The following RTN1 variants were observed in gnomAD, a reference collection of about 807,000 sequenced individuals.
RTN1 encodes reticulon-1.
A neutral mutation model predicts 65.5 loss-of-function variants in RTN1; 25 were observed. That is an observed-to-expected ratio of 0.38 (90% CI 0.28 to 0.53). RTN1 has a LOEUF of 0.53. RTN1 is among the 20% of genes least tolerant of loss of function. The probability of loss-of-function intolerance (pLI) is 0.79; values close to 1 mark genes in which losing one functional copy is unlikely to be tolerated. For missense variants in RTN1, 983 were observed against 1,025.4 expected, an observed-to-expected ratio of 0.96 and a Z score of 0.57; for synonymous variants, 471 against 447.6, an observed-to-expected ratio of 1.05 and a Z score of -0.66.
chr14:59,710,629 G>A (rs1232452080), intron 3 of RTN1, among the ~76,000 whole-genome samples: 1 of 152,212 alleles, frequency 6.6e-6, no homozygotes, highest in Non-Finnish European at 1.5e-5. Context: ...CACCAAAGGA[G>A]GTGGGCTGCC....
intron 1 of RTN1, among the ~76,000 whole-genome samples, chr14:59,798,778 T>TAGGA (rs1031506246): frequency 1.5e-5 from 2 of 131,100 alleles, no homozygotes; most frequent in African/African-American, 6.0e-5. Flanking sequence ...TTTCAGGGAT[T>TAGGA]AGGACATGGA....
chr14:59,859,224 G>A (rs1317913537), intron 1 of RTN1, among the ~76,000 whole-genome samples: 1 of 152,182 alleles, frequency 6.6e-6, no homozygotes, highest in Non-Finnish European at 1.5e-5. Flanking sequence ...GAATTCCCAC[G>A]TGTTGTGGGA....
intron 3 of RTN1, among the ~76,000 whole-genome samples, chr14:59,646,563 A>T (rs1882900737): frequency 6.6e-6 from 1 of 152,196 alleles, no homozygotes; most frequent in South Asian, 2.1e-4. Context: ...CTAGAGAGAA[A>T]GGGAACCCCA....
intron 1 of RTN1, among the ~76,000 whole-genome samples, chr14:59,835,979 G>A (rs1887206383): frequency 6.6e-6 from 1 of 152,160 alleles, no homozygotes; most frequent in African/African-American, 2.4e-5. Context: ...GGTTCTAGGG[G>A]AGAACTGCTT....
chr14:59,633,872 T>C (rs1485533677), intron 3 of RTN1, among the ~76,000 whole-genome samples: 1 of 152,218 alleles, frequency 6.6e-6, no homozygotes, highest in African/African-American at 2.4e-5. Flanking sequence ...AGTGGCTTTA[T>C]TGTGTCTGTC....
chr14:59,775,282 T>G (rs1328493290), intron 1 of RTN1, among the ~76,000 whole-genome samples: 1 of 152,182 alleles, frequency 6.6e-6, no homozygotes, highest in African/African-American at 2.4e-5. Context: ...TGAATCACCT[T>G]TTGAGGCCAG....
At chr14:59,655,326 G>T (rs996238026) in intron 3 of RTN1, among the ~76,000 whole-genome samples, 36 of 152,156 alleles carry the variant, frequency 2.4e-4, no homozygotes, top group African/African-American at 8.7e-4. Context: ...TAAATGAAAT[G>T]ACTTTTTTTG....
At chr14:59,814,676 A>C (rs1195834142) in intron 1 of RTN1, among the ~76,000 whole-genome samples, 1 of 152,240 alleles carries the variant, frequency 6.6e-6, no homozygotes, top group African/African-American at 2.4e-5. Flanking sequence ...AACCCTGATT[A>C]AAAATGCTGA....
At chr14:59,719,593 T>C (rs1884605823) in intron 3 of RTN1, among the ~76,000 whole-genome samples, 1 of 152,254 alleles carries the variant, frequency 6.6e-6, no homozygotes, top group Non-Finnish European at 1.5e-5. Flanking sequence ...AAGATGGATG[T>C]ATGAATAGGT....
intron 1 of RTN1, among the ~76,000 whole-genome samples, chr14:59,761,235 T>C (rs1352094090): frequency 6.6e-6 from 1 of 152,228 alleles, no homozygotes; most frequent in Admixed American, 6.5e-5. Context: ...ATGGTTTGGC[T>C]GTGTCCCCAC....
intron 3 of RTN1, among the ~76,000 whole-genome samples, chr14:59,648,782 T>C (rs1209123529): frequency 1.3e-5 from 2 of 152,194 alleles, no homozygotes; most frequent in East Asian, 1.9e-4. Flanking sequence ...TGAAGGAACA[T>C]ACCTCAAAAT....
At chr14:59,662,979 A>T (rs1883284077) in intron 3 of RTN1, among the ~76,000 whole-genome samples, 1 of 152,194 alleles carries the variant, frequency 6.6e-6, no homozygotes, top group Non-Finnish European at 1.5e-5. Flanking sequence ...AGTAAAAAGA[A>T]CAAAGCTGGA....
chr14:59,856,119 C>T (rs1297741024), intron 1 of RTN1, among the ~76,000 whole-genome samples: 1 of 152,124 alleles, frequency 6.6e-6, no homozygotes, highest in Non-Finnish European at 1.5e-5. Flanking sequence ...CTGCTGTGTC[C>T]TTCCACAGGT....
At chr14:59,811,784 T>C (rs2139613800) in intron 1 of RTN1, among the ~76,000 whole-genome samples, 1 of 152,318 alleles carries the variant, frequency 6.6e-6, no homozygotes, top group Admixed American at 6.5e-5. Context: ...AGTATCTGTT[T>C]TAGTGATAAA....
At chr14:59,723,906 C>T (rs146409908) in intron 3 of RTN1, among the ~76,000 whole-genome samples, 2,706 of 152,240 alleles carry the variant, frequency 0.018, 42 homozygotes, top group Non-Finnish European at 0.025. Flanking sequence ...ATGAACCCAA[C>T]GGCACACTCT....
intron 1 of RTN1, among the ~76,000 whole-genome samples, chr14:59,854,413 C>T (rs913429230): frequency 1.3e-4 from 19 of 151,818 alleles, no homozygotes; most frequent in African/African-American, 2.2e-4. Context: ...GAAGCCAAGG[C>T]GGGCAGATCA....
At chr14:59,824,419 T>C (rs2139632490) in intron 1 of RTN1, among the ~76,000 whole-genome samples, 1 of 152,346 alleles carries the variant, frequency 6.6e-6, no homozygotes, top group African/African-American at 2.4e-5. Flanking sequence ...TCTGTGATAA[T>C]GATTTTGGTG....
chr14:59,823,058 T>C (rs1886970613), intron 1 of RTN1, among the ~76,000 whole-genome samples: 1 of 152,284 alleles, frequency 6.6e-6, no homozygotes, highest in East Asian at 1.9e-4. Context: ...AATATCTTTG[T>C]TATTTTTCTA....
At chr14:59,723,003 G>T (rs931494050) in intron 3 of RTN1, among the ~76,000 whole-genome samples, 1 of 151,916 alleles carries the variant, frequency 6.6e-6, no homozygotes, top group African/African-American at 2.4e-5. Flanking sequence ...TCATCATGTT[G>T]CGTAGTCTGG....
Sources: allele counts gnomAD v4.1 joint callset (sites outside exome capture counted in the v4.1 genomes callset), GRCh38; gene constraint gnomAD v4.1.1; transcripts MANE v1.5; gene names NCBI Gene and HGNC (gene_info 2026-07-23, HGNC 2026-07-21).